LCLAT1: variants seen among roughly 807,000 people sequenced by gnomAD.
LCLAT1 encodes the protein 1-AGP acyltransferase 8.
In LCLAT1, 11 loss-of-function variants were observed where a neutral mutation model predicts 30.7. The observed-to-expected ratio is 0.36, with a 90% CI of 0.23 to 0.59. LCLAT1 has a LOEUF of 0.59. Among genes scored for constraint, LCLAT1 ranks in the 20% least tolerant of loss-of-function variants. The pLI is 0.77. For synonymous variants in LCLAT1, 155 were observed against 151.3 expected (o/e 1.02, Z -0.18); for missense variants, 402 against 458.6 (o/e 0.88, Z 1.13).
chr2:30,484,743 G>A (rs1327618940), intron 1 of LCLAT1, among the ~76,000 whole-genome samples: 2 of 149,568 alleles, frequency 1.3e-5, no homozygotes, highest in African/African-American at 2.6e-5. Context: ...ACATTTGAGA[G>A]TGTAACATTC....
chr2:30,543,120 A>C (rs974111748), intron 3 of LCLAT1, among the ~76,000 whole-genome samples: 4 of 151,960 alleles, frequency 2.6e-5, no homozygotes, highest in African/African-American at 9.7e-5. Context: ...AGATGCTCTT[A>C]ATTAGGTTGA....
chr2:30,512,647 A>C (rs1392952799), intron 1 of LCLAT1, among the ~76,000 whole-genome samples: 1 of 152,212 alleles, frequency 6.6e-6, no homozygotes, highest in East Asian at 1.9e-4. Flanking sequence ...AGATGTACAC[A>C]TTTTTAAAAA....
rs577081075 is a variant in LCLAT1 at position 30,525,291 on chromosome 2, G to A, written c.-4-296G>A. ...GGGGTTTCACCATGTTGGCCAGGCT[G>A]GTCTCGAACTCCTGGCCTCAAGTGA... On this transcript the variant is annotated intron_variant, in intron 1 of 5. Coordinates refer to ENST00000379509, the MANE Select transcript of LCLAT1 (RefSeq NM_001002257.3). 4.6e-5 allele frequency among the ~76,000 whole-genome samples: 7 copies of A among 152,188 alleles called. No homozygotes were observed. In the East Asian group the frequency reaches 1.4e-3, roughly 29 times the overall value.
At chr2:30,491,941 A>G (rs1683853257) in intron 1 of LCLAT1, among the ~76,000 whole-genome samples, 1 of 152,210 alleles carries the variant, frequency 6.6e-6, no homozygotes, top group Non-Finnish European at 1.5e-5. Flanking sequence ...TTTAATTGCA[A>G]AAAAGATAAA....
chr2:30,611,937 G>A (rs538406779), intron 5 of LCLAT1, among the ~76,000 whole-genome samples: 25 of 152,176 alleles, frequency 1.6e-4, no homozygotes, highest in African/African-American at 5.8e-4. Flanking sequence ...CTGCACTGAT[G>A]GAAATGCCAG....
chr2:30,489,960 T>C (rs542168663), intron 1 of LCLAT1, among the ~76,000 whole-genome samples: 1 of 152,226 alleles, frequency 6.6e-6, no homozygotes, highest in Non-Finnish European at 1.5e-5. Flanking sequence ...TAATAACTAA[T>C]AATCACCAGC....
chr2:30,536,718 G>GA (rs763369181), intron 3 of LCLAT1, among the ~76,000 whole-genome samples: 7 of 152,088 alleles, frequency 4.6e-5, no homozygotes, highest in Non-Finnish European at 8.8e-5. Context: ...ATATATAGAT[G>GA]AAAAAGAGAA....
chr2:30,554,408 C>G (rs1664823974), intron 3 of LCLAT1, among the ~76,000 whole-genome samples: 2 of 152,100 alleles, frequency 1.3e-5, no homozygotes, highest in Non-Finnish European at 2.9e-5. Flanking sequence ...GTAATTAATA[C>G]CTGTGGAAAG....
chr2:30,516,098 C>T (rs1277904369), intron 1 of LCLAT1, among the ~76,000 whole-genome samples: 3 of 152,286 alleles, frequency 2.0e-5, no homozygotes, highest in East Asian at 1.9e-4. Context: ...CACTAAAATA[C>T]CCGTTAAGCT....
In LCLAT1 at chr2:30,639,373, C is replaced by G. The variant is rs72798186; in HGVS notation, c.629-744C>G. ...GACTGTCTATCTCCAGCATCTAGCA[C>G]TCTGGCCTGTTTAAGTGAAAACACT... On this transcript the variant is annotated intron_variant, in intron 5 of 5. Transcript: ENST00000379509. 5.0e-4 allele frequency among the ~76,000 whole-genome samples: 62 copies of G among 122,802 alleles called. No homozygotes were observed. The East Asian group carries it at 0.012, about 23-fold the overall frequency. 80.6% of individuals were successfully genotyped at this position (122,802 alleles called of 152,430 possible).
intron 1 of LCLAT1, among the ~76,000 whole-genome samples, chr2:30,486,534 G>T (rs528540364): frequency 6.6e-6 from 1 of 152,240 alleles, no homozygotes; most frequent in East Asian, 1.9e-4. Flanking sequence ...ACTTAGCTTT[G>T]ATTTGCTTGT....
intron 5 of LCLAT1, among the ~76,000 whole-genome samples, chr2:30,597,948 A>AT (rs1192183292): frequency 6.6e-6 from 1 of 152,096 alleles, no homozygotes; most frequent in Non-Finnish European, 1.5e-5. Flanking sequence ...ACATTTGTTG[A>AT]TTTGCATTAT....
At chr2:30,560,914 G>A (rs1028299916) in intron 3 of LCLAT1, among the ~76,000 whole-genome samples, 1 of 152,002 alleles carries the variant, frequency 6.6e-6, no homozygotes, top group Non-Finnish European at 1.5e-5. Context: ...TCAGCTTTGG[G>A]GGGCTTTTGC....
At chr2:30,576,436 T>G (rs1438846613) in intron 5 of LCLAT1, among the ~76,000 whole-genome samples, 1 of 152,146 alleles carries the variant, frequency 6.6e-6, no homozygotes, top group African/African-American at 2.4e-5. Context: ...GGGCACTACA[T>G]GTTTATGTAC....
At position 30,500,243 on chromosome 2, in the gene LCLAT1, A is replaced by G. The variant is rs140757776; in HGVS notation, c.-4-25344A>G. 3.2e-4 allele frequency among the ~76,000 whole-genome samples: 48 copies of G among 152,338 alleles called. No individual in the cohort carries two copies. In the East Asian group the frequency reaches 6.4e-3, roughly 20 times the overall value. On this transcript the variant is annotated intron_variant, in intron 1 of 5. Transcript: ENST00000379509. ...TAAACAAAATCTAATGCCAATAAGTAGAAACAAAATAATATTACCTATAAT... is the reference window on the plus strand; with the variant it reads ...TAAACAAAATCTAATGCCAATAAGTGGAAACAAAATAATATTACCTATAAT...
chr2:30,606,005 C>G (rs1323943235), intron 5 of LCLAT1: 4 of 1,294,278 alleles, frequency 3.1e-6, no homozygotes, highest in Middle Eastern at 2.1e-4. Context: ...ACTCCCCACT[C>G]TGTTGATCAG....
At chr2:30,579,735 C>T (rs1240152353) in intron 5 of LCLAT1, among the ~76,000 whole-genome samples, 16 of 152,066 alleles carry the variant, frequency 1.1e-4, no homozygotes, top group Admixed American at 9.2e-4. Flanking sequence ...TGAAGTCTCA[C>T]TTCTAACAAA....
At chr2:30,453,757 T>TG (rs35592967) in intron 1 of LCLAT1, among the ~76,000 whole-genome samples, 26,588 of 152,206 alleles carry the variant, frequency 0.17, 2,769 homozygotes, top group Middle Eastern at 0.24. Context: ...ATGACGGCTA[T>TG]GAAACTATTA....
intron 1 of LCLAT1, among the ~76,000 whole-genome samples, chr2:30,518,343 A>C (rs1248081208): frequency 6.6e-6 from 1 of 152,180 alleles, no homozygotes; most frequent in Non-Finnish European, 1.5e-5. Context: ...AAAAAAACAC[A>C]ATGGGTATTC....
Sources: allele counts gnomAD v4.1 joint callset (sites outside exome capture counted in the v4.1 genomes callset), GRCh38; gene constraint gnomAD v4.1.1; transcripts MANE v1.5; gene names NCBI Gene and HGNC (gene_info 2026-07-23, HGNC 2026-07-21).